Variants in HEXB observed in about 807,000 individuals in gnomAD.
The protein encoded by HEXB is beta-hexosaminidase subunit beta.
HEXB carries 51 observed loss-of-function variants against 71.2 expected under a neutral mutation model. That is an observed-to-expected ratio of 0.72 (90% confidence interval 0.57 to 0.90). The LOEUF (loss-of-function observed/expected upper bound fraction) is 0.90, where lower values mean the gene tolerates loss of function less well. Among genes scored for constraint, HEXB ranks in the 40% least tolerant of loss-of-function variants. The pLI is 0.00. For missense variants in HEXB, 617 were observed against 677.0 expected, an observed-to-expected ratio of 0.91 and a Z score of 0.98; for synonymous variants, 266 against 249.3, an observed-to-expected ratio of 1.07 and a Z score of -0.63.
In HEXB at chr5:74,689,753, A is replaced by C. The variant is rs13188271; in HGVS notation, c.445+280A>C. Reference sequence around the variant, plus strand: ...TTTAGGTGTATTTTTTTGCAGAGTAAAACATGTAAACATTTTACATAGACA... The same window carrying C: ...TTTAGGTGTATTTTTTTGCAGAGTACAACATGTAAACATTTTACATAGACA... On this transcript the variant is annotated intron_variant, in intron 2 of 13. Coordinates refer to ENST00000261416, the MANE Select transcript of HEXB (RefSeq NM_000521.4). 87,148 of 442,038 alleles carry C rather than the reference A, an allele frequency of 0.2. 8,971 individuals are homozygous for C. The highest frequency in any genetic ancestry group is 0.27 in the African/African-American group (13,671 of 50,734). The allele number at this position is 442,038 out of a possible 1,614,324, so 27.4% of individuals were successfully genotyped here.
chr5:74,713,380 G>T, intron 6 of HEXB, 126 bp from the exon 7 acceptor site: 1 of 868,284 alleles, frequency 1.2e-6, no homozygotes, highest in Admixed American at 1.9e-5. Context: ...AATATCACAT[G>T]AAACTAATAC....
chr5:74,643,856 A>G (rs1195567653), intron 1 of HEXB, among the ~76,000 whole-genome samples: 1 of 152,114 alleles, frequency 6.6e-6, no homozygotes, highest in Non-Finnish European at 1.5e-5. Context: ...GCCCCACCCA[A>G]ATTCAGACAT....
intron 1 of HEXB, among the ~76,000 whole-genome samples, chr5:74,677,339 T>G (rs2112110689): frequency 6.6e-6 from 1 of 152,264 alleles, no homozygotes; most frequent in Admixed American, 6.5e-5. Context: ...GCCTGCAGAT[T>G]TCACATAGGT....
chr5:74,674,230 T>G (rs1410899779), intron 1 of HEXB, among the ~76,000 whole-genome samples: 1 of 152,302 alleles, frequency 6.6e-6, no homozygotes, highest in Admixed American at 6.5e-5. Context: ...TCATTGGTTG[T>G]TTGTCATTTG....
rs1207569093 is a variant in HEXB, at chr5:74,697,103, T to C, written c.666T>C (p.Thr222=). The change falls in exon 5 of 14, where the codon ACT becomes ACC. Residue 222 remains threonine (T), a synonymous_variant. Coordinates refer to ENST00000261416, the MANE Select transcript of HEXB (RefSeq NM_000521.4). Reference sequence around the variant, plus strand: ...TGCCAGTTAAGATTATTCTTAAAACTCTGGTAAGTAATTACTTCATTCTAA... The same window carrying C: ...TGCCAGTTAAGATTATTCTTAAAACCCTGGTAAGTAATTACTTCATTCTAA... The part of the protein sequence containing the change: ...HYLPVKIILK[T]LDAMAFNKFN... 1.5e-6 allele frequency: 2 copies of C among 1,331,314 alleles called. No individual in the cohort carries two copies. Among genetic ancestry groups the C allele is most frequent in the Non-Finnish European group, 2.2e-6 (2 of 922,824 alleles). 82.5% of individuals were successfully genotyped at this position (1,331,314 alleles called of 1,614,324 possible).
intron 11 of HEXB, among the ~76,000 whole-genome samples, chr5:74,719,782 A>G (rs574078507): frequency 6.6e-6 from 1 of 152,140 alleles, no homozygotes; most frequent in East Asian, 1.9e-4. Flanking sequence ...TCTCTACTAA[A>G]AATACAAAAA....
upstream of HEXB, among the ~76,000 whole-genome samples, chr5:74,681,802 A>G (rs756119036): frequency 2.0e-5 from 3 of 152,108 alleles, no homozygotes; most frequent in East Asian, 1.9e-4. Context: ...CTAGCCTTCA[A>G]TTTCCTTGCA....
rs1442851168 is a variant in HEXB, at chr5:74,706,562, C to T, written c.771+1242C>T. Among the ~76,000 whole-genome samples the T allele has an allele frequency of 5.9e-5, 9 of 152,178 alleles. No homozygotes were observed. The South Asian group carries it at 6.2e-4, about 11-fold the overall frequency. ...CCTAGTCAAAGAAAGGGGTGACACA[C>T]GGCACCGGGAAAATCGGGTCACTCC... On this transcript the variant is annotated intron_variant, in intron 6 of 13. Transcript: ENST00000261416.
At chr5:74,654,249 G>C (rs932091915) in intron 1 of HEXB, among the ~76,000 whole-genome samples, 1 of 152,086 alleles carries the variant, frequency 6.6e-6, no homozygotes, top group Non-Finnish European at 1.5e-5. Flanking sequence ...ATGTGCACAC[G>C]AATCACTTGG....
rs1278993616 is a variant in HEXB at position 74,685,309 on chromosome 5, C to T, written c.49C>T (p.Leu17=). Residue 17 remains leucine (L), a synonymous_variant, in exon 1 of 14, where the codon CTG becomes TTG. Coordinates refer to ENST00000261416, the MANE Select transcript of HEXB (RefSeq NM_000521.4). The stretch of plus-strand genomic sequence containing the variant: ...GCCCCGGCCGCCCATGCTGCTGGCG[C>T]TGCTGTTGGCGACACTGCTGGCGGC... ...GLPRPPMLLA[L]LLATLLAAML... 1.3e-6 allele frequency: 2 copies of T among 1,565,532 alleles called. No homozygotes were observed. The highest frequency in any genetic ancestry group is 1.9e-5 in the Admixed American group (1 of 54,026).
intron 1 of HEXB, among the ~76,000 whole-genome samples, chr5:74,646,917 G>C (rs1748012403): frequency 6.6e-6 from 1 of 152,150 alleles, no homozygotes; most frequent in South Asian, 2.1e-4. Flanking sequence ...CTGCTGCAAA[G>C]GGAAAAGAAT....
chr5:74,693,548 C>G, intron 2 of HEXB, 91 bp from the exon 3 acceptor site: 1 of 920,592 alleles, frequency 1.1e-6, no homozygotes, highest in Non-Finnish European at 1.8e-6. Flanking sequence ...AAATAATAGT[C>G]CAGAAATATC....
At chr5:74,649,287 C>T (rs1413324383) in intron 1 of HEXB, among the ~76,000 whole-genome samples, 1 of 152,184 alleles carries the variant, frequency 6.6e-6, no homozygotes, top group Non-Finnish European at 1.5e-5. Context: ...CAACCCAGTG[C>T]CACTGCCCCC....
At position 74,717,450 on chromosome 5, in the gene HEXB, G is replaced by A. The variant is rs182124353; in HGVS notation, c.1169+777G>A. On this transcript the variant is annotated intron_variant, in intron 9 of 13. Coordinates refer to ENST00000261416, the MANE Select transcript of HEXB (RefSeq NM_000521.4). The stretch of plus-strand genomic sequence containing the variant: ...TGTCAAGTGTTCAGTAGCCAGCTGA[G>A]GCTAGTGACTGCCATACTGAAAAAT... 4.0e-5 allele frequency among the ~76,000 whole-genome samples: 6 copies of A among 150,738 alleles called. No homozygotes were observed. In the East Asian group the frequency reaches 1.2e-3, roughly 29 times the overall value.
chr5:74,696,413 T>C (rs1749114017), intron 3 of HEXB, among the ~76,000 whole-genome samples: 1 of 152,186 alleles, frequency 6.6e-6, no homozygotes, highest in African/African-American at 2.4e-5. Context: ...TATTCTTCTT[T>C]TGTCTATATT....
chr5:74,720,215 G>T, intron 11 of HEXB: 1 of 592,706 alleles, frequency 1.7e-6, no homozygotes, highest in Non-Finnish European at 3.0e-6. Flanking sequence ...GGTCAGGGCT[G>T]GGGATAAAGT....
chr5:74,713,032 G>T (rs1278234788), intron 6 of HEXB, among the ~76,000 whole-genome samples: 1 of 152,164 alleles, frequency 6.6e-6, no homozygotes, highest in Non-Finnish European at 1.5e-5. Context: ...GTAATAAGGT[G>T]TGCATTTTGA....
At chr5:74,712,197 C>T (rs988160544) in intron 6 of HEXB, among the ~76,000 whole-genome samples, 3 of 148,654 alleles carry the variant, frequency 2.0e-5, no homozygotes, top group African/African-American at 5.0e-5. Flanking sequence ...AGCCAAACAC[C>T]GCATATTCTC....
rs555802877 is a variant in HEXB at position 74,648,184 on chromosome 5, AG to A, written c.-377+7627del. The stretch of plus-strand genomic sequence containing the variant: ...ATACTTGAGGATTATAGAGCATAAA[AG>A]CACTCTGAAACTGAAGATCTCTGTG... On this transcript the variant is annotated intron_variant, in intron 1 of 13. Coordinates refer to the HEXB transcript ENST00000511181. 8.6e-4 allele frequency among the ~76,000 whole-genome samples: 131 copies of A among 152,344 alleles called. 1 individual carries two copies. The highest frequency in any genetic ancestry group is 1.6e-3 in the Non-Finnish European group (110 of 68,022).
Sources: gnomAD v4.1 joint callset for allele counts (sites outside exome capture counted in the v4.1 genomes callset) on GRCh38, gnomAD v4.1.1 for gene constraint, MANE v1.5 for transcripts, NCBI Gene and HGNC (gene_info 2026-07-23, HGNC 2026-07-21) for gene names.